NEK11: variants seen among roughly 807,000 people sequenced by gnomAD.
The protein encoded by NEK11 is serine/threonine-protein kinase Nek11.
In NEK11, 72 loss-of-function variants were observed where a neutral mutation model predicts 80.7. The ratio of observed to expected loss-of-function variants is 0.89; its 90% CI spans 0.74 to 1.08. NEK11 has a LOEUF of 1.08. Among genes scored for constraint, NEK11 ranks in the 50% least tolerant of loss-of-function variants. NEK11 has a pLI of 0.00. For synonymous variants in NEK11, 251 were observed against 260.7 expected (o/e 0.96, Z 0.36); for missense variants, 764 against 763.6 (o/e 1.00, Z -0.01).
chr3:131,143,576 C>G (rs1167513287), intron 7 of NEK11, among the ~76,000 whole-genome samples: 1 of 151,640 alleles, frequency 6.6e-6, no homozygotes, highest in Non-Finnish European at 1.5e-5. Context: ...TATGCTTCCA[C>G]TGTATCTACT....
chr3:131,068,501 C>T (rs368328481), intron 3 of NEK11, among the ~76,000 whole-genome samples: 1 of 152,102 alleles, frequency 6.6e-6, no homozygotes, highest in East Asian at 1.9e-4. Flanking sequence ...TCTCAGATTC[C>T]AGAATCTCTA....
In NEK11 at chr3:131,205,871, T is replaced by G. The variant is rs142073161; in HGVS notation, c.1400-22657T>G. 4.8e-3 allele frequency among the ~76,000 whole-genome samples: 726 copies of G among 152,376 alleles called. 10 individuals carry two copies. Among genetic ancestry groups the G allele is most frequent in the African/African-American group, 0.017 (700 of 41,596 alleles). On this transcript the variant is annotated intron_variant, in intron 14 of 17. Transcript: ENST00000383366. ...CAAAAATTTGGAAGTAATTCCTAGC[T>G]GTTTTATGAGATCTGGGGGAGTTTT... is the stretch of plus-strand genomic sequence containing the variant.
chr3:131,076,739 A>G (rs2074419758), intron 3 of NEK11, among the ~76,000 whole-genome samples: 1 of 152,222 alleles, frequency 6.6e-6, no homozygotes, highest in Non-Finnish European at 1.5e-5. Flanking sequence ...TCAACTTTAT[A>G]GCATTCATTG....
chr3:131,115,964 T>TTCTTTCTTTCTTTCTTTCTTTC (rs1560477360), intron 5 of NEK11, among the ~76,000 whole-genome samples: 45 of 145,240 alleles, frequency 3.1e-4, no homozygotes, highest in African/African-American at 4.7e-4. Context: ...CTTTCTTTCT[T>TTCTTTCTTTCTTTCTTTCTTTC]TCTTTCTTTC....
At chr3:131,041,837 G>T (rs1223509187) in intron 3 of NEK11, among the ~76,000 whole-genome samples, 1 of 152,162 alleles carries the variant, frequency 6.6e-6, no homozygotes, top group Non-Finnish European at 1.5e-5. Flanking sequence ...GAACAGCTCT[G>T]GTCTGCAGCT....
intron 4 of NEK11, among the ~76,000 whole-genome samples, chr3:131,100,515 A>G (rs1334187675): frequency 6.6e-6 from 1 of 152,200 alleles, no homozygotes; most frequent in Non-Finnish European, 1.5e-5. Flanking sequence ...GGTTGCAATG[A>G]GCTGAGATCA....
At chr3:131,299,194 A>G (rs139288781) in intron 17 of NEK11, among the ~76,000 whole-genome samples, 89 of 152,260 alleles carry the variant, frequency 5.8e-4, no homozygotes, top group African/African-American at 2.1e-3. Context: ...TAAGCATTTA[A>G]TTTATAGGTG....
At chr3:131,298,029 G>C (rs1233854953) in intron 17 of NEK11, among the ~76,000 whole-genome samples, 61 of 152,188 alleles carry the variant, frequency 4.0e-4, no homozygotes, top group Non-Finnish European at 1.3e-4. Context: ...CTATATCTCT[G>C]TTTTGGTACC....
intron 4 of NEK11, among the ~76,000 whole-genome samples, chr3:131,088,438 A>C (rs1435219402): frequency 1.3e-5 from 2 of 152,242 alleles, no homozygotes; most frequent in East Asian, 1.9e-4. Flanking sequence ...TTCATTGAAA[A>C]GAAATGCACT....
intron 3 of NEK11, among the ~76,000 whole-genome samples, chr3:131,033,521 A>G (rs943002263): frequency 2.6e-5 from 4 of 152,230 alleles, no homozygotes; most frequent in African/African-American, 9.6e-5. Flanking sequence ...ATAAGTTTGT[A>G]GGACTTATGA....
intron 17 of NEK11, among the ~76,000 whole-genome samples, chr3:131,332,991 T>C (rs1284760277): frequency 2.6e-5 from 4 of 152,176 alleles, no homozygotes; most frequent in African/African-American, 4.8e-5. Context: ...CTACGTCTGA[T>C]TGGTGTACCT....
At position 131,089,627 on chromosome 3, in the gene NEK11, C is replaced by T. The variant is rs369399902; in HGVS notation, c.336+9039C>T. 5.9e-5 allele frequency among the ~76,000 whole-genome samples: 9 copies of T among 151,962 alleles called. No individual in the cohort carries two copies. In the East Asian group the frequency reaches 9.7e-4, roughly 16 times the overall value. On this transcript the variant is annotated intron_variant, in intron 4 of 17. Transcript: ENST00000383366. ...CTAATTTTTGTGTTTTTAGTAGAGA[C>T]GGGGTTTCATCATGTTGGCCAGGCT... is the stretch of plus-strand genomic sequence containing the variant.
At chr3:131,056,762 C>G (rs2069579085) in intron 3 of NEK11, among the ~76,000 whole-genome samples, 1 of 152,144 alleles carries the variant, frequency 6.6e-6, no homozygotes, top group Non-Finnish European at 1.5e-5. Flanking sequence ...CATCAAGGGC[C>G]TCCCATTTCT....
intron 15 of NEK11, 49 bp downstream of exon 15, chr3:131,228,737 T>C (rs750075017): frequency 1.1e-5 from 17 of 1,548,948 alleles, no homozygotes; most frequent in Non-Finnish European, 1.5e-5. Context: ...AAGGTACTGA[T>C]TGGACTCTCC....
chr3:131,061,747 T>C (rs2070914819), intron 3 of NEK11, among the ~76,000 whole-genome samples: 1 of 152,220 alleles, frequency 6.6e-6, no homozygotes, highest in African/African-American at 2.4e-5. Flanking sequence ...GAATTTATTA[T>C]AAATTTAATG....
intron 17 of NEK11, among the ~76,000 whole-genome samples, chr3:131,274,874 C>T (rs1375249412): frequency 1.3e-5 from 2 of 151,484 alleles, no homozygotes; most frequent in Admixed American, 6.6e-5. Context: ...AGGATGGTCT[C>T]GATCTCCTGA....
chr3:131,174,939 A>G (rs2092922195), intron 14 of NEK11: 1 of 1,417,256 alleles, frequency 7.1e-7, no homozygotes, highest in South Asian at 1.6e-5. Context: ...TCACCTCTTC[A>G]TTTCCTGTTC....
intron 13 of NEK11, 147 bp from the exon 14 acceptor site, chr3:131,170,626 T>G: frequency 3.3e-6 from 2 of 605,778 alleles, no homozygotes; most frequent in East Asian, 2.8e-5. Context: ...TATCCCACCT[T>G]ACCTCCTGAA....
intron 14 of NEK11, among the ~76,000 whole-genome samples, chr3:131,180,522 A>C (rs1034899106): frequency 2.0e-5 from 3 of 152,340 alleles, no homozygotes; most frequent in African/African-American, 7.2e-5. Flanking sequence ...TATTTTATTT[A>C]GTTTTAAATT....
Sources: allele counts gnomAD v4.1 joint callset (sites outside exome capture counted in the v4.1 genomes callset), GRCh38; gene constraint gnomAD v4.1.1; transcripts MANE v1.5; gene names NCBI Gene and HGNC (gene_info 2026-07-23, HGNC 2026-07-21).